The following GALNT14 variants were observed in gnomAD, a reference collection of about 807,000 sequenced individuals.
The protein encoded by GALNT14 is polypeptide N-acetylgalactosaminyltransferase 14.
In GALNT14, 60 loss-of-function variants were observed where a neutral mutation model predicts 77.5. The ratio of observed to expected loss-of-function variants is 0.77; its 90% CI spans 0.63 to 0.96. The LOEUF is 0.96. Ranked by LOEUF, GALNT14 falls within the 40% of genes least tolerant of loss-of-function variation. The pLI, the probability that GALNT14 is intolerant of heterozygous loss-of-function variation, is 0.00. For missense variants in GALNT14, 710 were observed against 731.0 expected (o/e 0.97, Z 0.33); for synonymous variants, 280 against 281.7 (o/e 0.99, Z 0.06).
the GALNT14 span, among the ~76,000 whole-genome samples, chr2:30,903,717 T>C: frequency 1.3e-4 from 20 of 152,244 alleles, no homozygotes; most frequent in Non-Finnish European, 2.6e-4. Flanking sequence ...CCTGTATCCT[T>C]GTCCCACAAA....
At chr2:31,066,125 G>A (rs1330904312) in intron 1 of GALNT14, among the ~76,000 whole-genome samples, 1 of 152,200 alleles carries the variant, frequency 6.6e-6, no homozygotes, top group Non-Finnish European at 1.5e-5. Context: ...TACATGACAG[G>A]GCCCTTTTTC....
At chr2:31,076,632 T>A (rs797014346) in intron 1 of GALNT14, among the ~76,000 whole-genome samples, 2,093 of 140,050 alleles carry the variant, frequency 0.015, 19 homozygotes, top group South Asian at 0.027. Flanking sequence ...TATATATATT[T>A]TTTTTTTTTT....
chr2:30,888,316 C>T, the GALNT14 span, among the ~76,000 whole-genome samples: 22 of 152,180 alleles, frequency 1.4e-4, no homozygotes, highest in Non-Finnish European at 2.9e-4. Flanking sequence ...GACTCTGCAA[C>T]TGGGGACCCA....
intron 1 of GALNT14, among the ~76,000 whole-genome samples, chr2:31,054,282 C>G (rs1180755140): frequency 6.6e-6 from 1 of 152,166 alleles, no homozygotes; most frequent in Non-Finnish European, 1.5e-5. Flanking sequence ...CTTACTCTGG[C>G]CATTGTGCCA....
At chr2:30,960,738 T>C (rs1667645605) in intron 3 of GALNT14, among the ~76,000 whole-genome samples, 1 of 151,980 alleles carries the variant, frequency 6.6e-6, no homozygotes, top group Non-Finnish European at 1.5e-5. Context: ...ACACCCACTC[T>C]CATTCCCTCC....
intron 1 of GALNT14, among the ~76,000 whole-genome samples, chr2:31,112,945 C>T (rs910284816): frequency 4.6e-5 from 7 of 152,314 alleles, no homozygotes; most frequent in South Asian, 4.1e-4. Context: ...TAGGCCTCTG[C>T]AGCAGTGGTG....
At chr2:31,075,662 C>T (rs1055863053) in intron 1 of GALNT14, among the ~76,000 whole-genome samples, 4 of 152,202 alleles carry the variant, frequency 2.6e-5, no homozygotes, top group East Asian at 1.9e-4. Flanking sequence ...TCCGTGCTCA[C>T]GGGATGATTT....
At chr2:31,054,150 A>G (rs1245975415) in intron 1 of GALNT14, among the ~76,000 whole-genome samples, 1 of 152,212 alleles carries the variant, frequency 6.6e-6, no homozygotes, top group Admixed American at 6.5e-5. Flanking sequence ...TAAACAGGCC[A>G]CTTCGAGGAA....
At chr2:30,975,672 G>A (rs1221633075) in intron 2 of GALNT14, among the ~76,000 whole-genome samples, 1 of 152,026 alleles carries the variant, frequency 6.6e-6, no homozygotes, top group Non-Finnish European at 1.5e-5. Context: ...ATTGTCCTAA[G>A]TTGTCCCTGA....
At chr2:30,968,359 C>G (rs546765135) in intron 2 of GALNT14, among the ~76,000 whole-genome samples, 5 of 152,372 alleles carry the variant, frequency 3.3e-5, no homozygotes, top group African/African-American at 1.2e-4. Context: ...TAGCCCCTCC[C>G]TCACTGAAGC....
chr2:31,051,305 G>A (rs569795640), intron 1 of GALNT14, among the ~76,000 whole-genome samples: 1 of 152,320 alleles, frequency 6.6e-6, no homozygotes, highest in Non-Finnish European at 1.5e-5. Flanking sequence ...TGCTGTGAAG[G>A]CATTCTTAGT....
intron 13 of GALNT14, among the ~76,000 whole-genome samples, chr2:30,919,779 G>A (rs1664922189): frequency 6.6e-6 from 1 of 152,212 alleles, no homozygotes; most frequent in Non-Finnish European, 1.5e-5. Flanking sequence ...CAGCCAGGGT[G>A]TGAAGAAATG....
chr2:30,991,809 C>T (rs889690286), intron 2 of GALNT14, among the ~76,000 whole-genome samples: 7 of 152,136 alleles, frequency 4.6e-5, no homozygotes, highest in Admixed American at 2.6e-4. Flanking sequence ...AAATGGAGTC[C>T]GCCAGCCTTC....
intron 6 of GALNT14, among the ~76,000 whole-genome samples, chr2:30,950,811 C>A (rs150412493): frequency 2.0e-5 from 3 of 152,274 alleles, no homozygotes; most frequent in South Asian, 2.1e-4. Flanking sequence ...TGCTCACATT[C>A]GGAAACGAAG....
chr2:30,909,159 C>T (rs1355463110), downstream of GALNT14, among the ~76,000 whole-genome samples: 1 of 151,658 alleles, frequency 6.6e-6, no homozygotes, highest in Non-Finnish European at 1.5e-5. Context: ...GCAAGGACTT[C>T]ATGTCTAAAA....
intron 1 of GALNT14, among the ~76,000 whole-genome samples, chr2:31,085,245 T>C (rs1200117077): frequency 6.6e-6 from 1 of 152,138 alleles, no homozygotes; most frequent in Non-Finnish European, 1.5e-5. Flanking sequence ...TCCCTCATCT[T>C]CCAGGCATTC....
chr2:31,040,881 A>C (rs1396207670), intron 1 of GALNT14, among the ~76,000 whole-genome samples: 2 of 152,232 alleles, frequency 1.3e-5, no homozygotes, highest in Non-Finnish European at 2.9e-5. Flanking sequence ...TAAATAAATG[A>C]ATGAAAGAAT....
intron 1 of GALNT14, among the ~76,000 whole-genome samples, chr2:31,044,868 C>T (rs4494792): frequency 0.98 from 148,676 of 151,908 alleles, 72,802 homozygotes; most frequent in Non-Finnish European, 0.99. Flanking sequence ...CAAGCCAAGA[C>T]TGCACCACTG....
intron 13 of GALNT14, among the ~76,000 whole-genome samples, chr2:30,918,415 G>C (rs1664816082): frequency 6.6e-6 from 1 of 152,176 alleles, no homozygotes; most frequent in Non-Finnish European, 1.5e-5. Context: ...GGAACAAATG[G>C]GTTAATACCT....
Sources: allele counts gnomAD v4.1 joint callset (sites outside exome capture counted in the v4.1 genomes callset), GRCh38; gene constraint gnomAD v4.1.1; transcripts MANE v1.5; gene names NCBI Gene and HGNC (gene_info 2026-07-23, HGNC 2026-07-21).